Variants in HDGFL3 observed in about 807,000 individuals in gnomAD.
HDGFL3 encodes hepatoma-derived growth factor-related protein 3.
HDGFL3 carries 6 observed loss-of-function variants against 27.6 expected under a neutral mutation model. The ratio of observed to expected loss-of-function variants is 0.22; its 90% CI spans 0.12 to 0.43. The LOEUF is 0.43. Ranked by LOEUF, HDGFL3 falls within the 20% of genes least tolerant of loss-of-function variation. The pLI is 1.00. For missense variants in HDGFL3, 207 were observed against 250.1 expected (o/e 0.83, Z 1.16); for synonymous variants, 88 against 88.9 (o/e 0.99, Z 0.05).
intron 3 of HDGFL3, among the ~76,000 whole-genome samples, chr15:83,122,395 G>GTAGA (rs536975177): frequency 0.01 from 1,552 of 151,966 alleles, 9 homozygotes; most frequent in African/African-American, 0.016. Flanking sequence ...GGATATATAG[G>GTAGA]TAGATAGATA....
chr15:83,127,731 G>T (rs1196465057), downstream of HDGFL3: 2 of 370,948 alleles, frequency 5.4e-6, no homozygotes, highest in Non-Finnish European at 9.8e-6. Context: ...TAAATGATTT[G>T]CCCAAGGTTA....
chr15:83,172,352 T>C (rs2037255797), intron 1 of HDGFL3, among the ~76,000 whole-genome samples: 1 of 152,144 alleles, frequency 6.6e-6, no homozygotes, highest in Non-Finnish European at 1.5e-5. Flanking sequence ...ATTTCACAAT[T>C]CATCCTTGAA....
At chr15:83,146,603 G>GCCTCTA (rs1279731572) in intron 5 of HDGFL3, among the ~76,000 whole-genome samples, 1 of 151,906 alleles carries the variant, frequency 6.6e-6, no homozygotes, top group East Asian at 1.9e-4. Context: ...TGATTCCCTG[G>GCCTCTA]CCTCTAATCT....
At chr15:83,122,657 T>G (rs780207383) in intron 3 of HDGFL3, 15 of 1,371,744 alleles carry the variant, frequency 1.1e-5, no homozygotes, top group Non-Finnish European at 1.4e-5. Flanking sequence ...GTCTGGCCCA[T>G]AGCAAAATTT....
chr15:83,151,549 C>A (rs2036963886), intron 4 of HDGFL3, among the ~76,000 whole-genome samples, 188 bp from the exon 5 acceptor site: 1 of 152,152 alleles, frequency 6.6e-6, no homozygotes, highest in African/African-American at 2.4e-5. Flanking sequence ...CTCATTGGAC[C>A]TCAGTTTAAC....
chr15:83,199,342 A>C (rs2037609454), intron 1 of HDGFL3, among the ~76,000 whole-genome samples: 1 of 152,232 alleles, frequency 6.6e-6, no homozygotes, highest in African/African-American at 2.4e-5. Context: ...AGGAAAAGGA[A>C]ATAGAGATCT....
chr15:83,193,182 T>A (rs879790529), intron 1 of HDGFL3, among the ~76,000 whole-genome samples: 1 of 152,202 alleles, frequency 6.6e-6, no homozygotes, highest in Non-Finnish European at 1.5e-5. Flanking sequence ...TTGCAAATCA[T>A]AGATCTCCTA....
chr15:83,188,506 T>G (rs553391844), intron 1 of HDGFL3, among the ~76,000 whole-genome samples: 30 of 152,330 alleles, frequency 2.0e-4, no homozygotes, highest in African/African-American at 7.2e-4. Flanking sequence ...TACCTTGGCC[T>G]CCCAAAACCT....
chr15:83,162,057 C>A (rs901292380), intron 2 of HDGFL3, among the ~76,000 whole-genome samples: 1 of 152,128 alleles, frequency 6.6e-6, no homozygotes, highest in Non-Finnish European at 1.5e-5. Flanking sequence ...CTGAACCAAA[C>A]GTAGCCTTCT....
chr15:83,190,612 C>T (rs2037500190), intron 1 of HDGFL3, among the ~76,000 whole-genome samples: 2 of 152,054 alleles, frequency 1.3e-5, no homozygotes, highest in Non-Finnish European at 2.9e-5. Flanking sequence ...ATGTCTTTTG[C>T]CCATTTTCCC....
At chr15:83,124,921 T>C (rs1265476382), downstream of HDGFL3, 1 of 689,672 alleles carries the variant, frequency 1.4e-6, no homozygotes, top group Non-Finnish European at 2.4e-6. Context: ...CCTGGAGCCC[T>C]GGACCTGCTT....
chr15:83,128,211 CTG>C lies in HDGFL3; in HGVS notation c.*11057_*11058del, dbSNP rs1273307819. 1 of 152,212 alleles carries C rather than the reference CTG, an allele frequency of 6.6e-6. No homozygotes were observed. The highest frequency in any genetic ancestry group is 1.5e-5 in the Non-Finnish European group (1 of 68,072). 9.4% of individuals were successfully genotyped at this position (152,212 alleles called of 1,614,324 possible). A position where few individuals can be genotyped will look rare whatever the true frequency, so the allele number is the denominator to read the frequency against. On this transcript the variant is annotated 3_prime_UTR_variant, in exon 6 of 6. Coordinates refer to ENST00000299633, the MANE Select transcript of HDGFL3 (RefSeq NM_016073.4). ...TATAAGAATGAGGTTCATCTAGAAA[CTG>C]TAGGCTTGTACAGTCAATTATATGC... is the stretch of plus-strand genomic sequence containing the variant.
At position 83,157,966 on chromosome 15, in the gene HDGFL3, T is replaced by C. The variant is rs1158380857; in HGVS notation, c.237A>G (p.Lys79=). The part of the protein sequence containing the change: ...KDKFGKSNKR[K]GFNEGLWEIE... ...TTTCCCACAATCCTTCGTTAAATCCTTTCCGTTTGTTTGACTTTCCAAACT... is the reference window on the plus strand; with the variant it reads ...TTTCCCACAATCCTTCGTTAAATCCCTTCCGTTTGTTTGACTTTCCAAACT... Residue 79 remains lysine, a synonymous_variant, in exon 3 of 6, where the codon AAA becomes AAG. Coordinates refer to ENST00000299633, the MANE Select transcript of HDGFL3 (RefSeq NM_016073.4). 3 of 1,612,620 alleles carry C rather than the reference T, an allele frequency of 1.9e-6. No homozygotes were observed. Among genetic ancestry groups the C allele is most frequent in the Non-Finnish European group, 1.7e-6 (2 of 1,178,982 alleles).
At chr15:83,158,217 GAA>G (rs1290129681) in intron 2 of HDGFL3, among the ~76,000 whole-genome samples, 176 bp from the exon 3 acceptor site, 1 of 152,176 alleles carries the variant, frequency 6.6e-6, no homozygotes, top group Non-Finnish European at 1.5e-5. Context: ...CTTCAAGGCA[GAA>G]AAAATGGATA....
chr15:83,169,972 T>C (rs536193942), intron 1 of HDGFL3, among the ~76,000 whole-genome samples: 3 of 152,250 alleles, frequency 2.0e-5, no homozygotes, highest in East Asian at 3.9e-4. Context: ...CAGTTTACAA[T>C]AGCCGCACAA....
intron 1 of HDGFL3, among the ~76,000 whole-genome samples, chr15:83,172,223 A>C (rs2037254494): frequency 6.6e-6 from 1 of 152,188 alleles, no homozygotes; most frequent in Non-Finnish European, 1.5e-5. Flanking sequence ...CAGAGACAGA[A>C]AGAAGTTGGT....
intron 5 of HDGFL3, among the ~76,000 whole-genome samples, chr15:83,145,898 T>A (rs987092398): frequency 6.1e-4 from 1 of 1,648 alleles, no homozygotes. Flanking sequence ...TTCTTCTTCC[T>A]TTTTTTTTTT....
At chr15:83,152,734 A>G (rs186206015) in intron 4 of HDGFL3, among the ~76,000 whole-genome samples, 1 of 151,600 alleles carries the variant, frequency 6.6e-6, no homozygotes, top group African/African-American at 2.4e-5. Flanking sequence ...GCTGTGTGGC[A>G]GAATATATAA....
At chr15:83,148,819 A>G (rs1596547814) in intron 5 of HDGFL3, among the ~76,000 whole-genome samples, 1 of 152,104 alleles carries the variant, frequency 6.6e-6, no homozygotes, top group South Asian at 2.1e-4. Context: ...TAAGTTTTTA[A>G]AAAGCTAAAA....
Sources: allele counts gnomAD v4.1 joint callset (sites outside exome capture counted in the v4.1 genomes callset), GRCh38; gene constraint gnomAD v4.1.1; transcripts MANE v1.5; gene names NCBI Gene and HGNC (gene_info 2026-07-23, HGNC 2026-07-21).